The following CDKN2B-AS1 variants were observed in gnomAD, a reference collection of about 807,000 sequenced individuals.
CDKN2B-AS1 encodes the protein CDKN2B antisense RNA 1 (non-protein coding).
In CDKN2B-AS1 at chr9:22,006,223, C is replaced by T. The variant is rs752675430; in HGVS notation, n.29+11062C>T. ...CCGTGGAGCAGCAGCAGCTCCGCCACGCGGGCGCTGCCCATCATCATGACC... is the reference window on the plus strand; with the variant it reads ...CCGTGGAGCAGCAGCAGCTCCGCCATGCGGGCGCTGCCCATCATCATGACC... On this transcript the variant is annotated intron_variant and non_coding_transcript_variant, in intron 1 of 4. Coordinates refer to ENST00000650946, the Ensembl canonical transcript of CDKN2B-AS1. The surrounding 1 kb of genome is among the most constrained non-coding windows in gnomAD (Gnocchi z 6.4). 9.3e-6 allele frequency: 15 copies of T among 1,606,828 alleles called. No individual in the cohort carries two copies. Among genetic ancestry groups the T allele is most frequent in the Non-Finnish European group, 1.2e-5 (14 of 1,179,860 alleles).
chr9:22,115,738 G>A (rs1825933469), intron 4 of CDKN2B-AS1, among the ~76,000 whole-genome samples: 1 of 152,080 alleles, frequency 6.6e-6, no homozygotes, highest in Non-Finnish European at 1.5e-5. Context: ...CATGGACTTG[G>A]GGATTATTGG....
chr9:22,091,832 T>A (rs537096702), intron 4 of CDKN2B-AS1, among the ~76,000 whole-genome samples: 30 of 152,330 alleles, frequency 2.0e-4, no homozygotes, highest in African/African-American at 6.0e-4. Flanking sequence ...CCTGCCTGAT[T>A]GCCGTGGCCA....
At chr9:22,008,570 T>C (rs1821308702) in intron 1 of CDKN2B-AS1, 2 of 1,211,262 alleles carry the variant, frequency 1.7e-6, no homozygotes, top group Non-Finnish European at 1.1e-6. Context: ...GATCATGAGA[T>C]GGCAGAACAA....
intron 4 of CDKN2B-AS1, among the ~76,000 whole-genome samples, chr9:22,124,617 T>C (rs913936734): frequency 6.6e-6 from 1 of 152,242 alleles, no homozygotes; most frequent in African/African-American, 2.4e-5. Context: ...TTAACCTCTA[T>C]TTTTTAAAAA....
chr9:22,061,466 AG>A (rs894231568), intron 4 of CDKN2B-AS1, among the ~76,000 whole-genome samples: 39 of 152,318 alleles, frequency 2.6e-4, no homozygotes, highest in African/African-American at 9.1e-4. Flanking sequence ...ATCTTTAAAA[AG>A]TATATATTGG....
At chr9:22,050,280 G>T (rs1210762287) in intron 3 of CDKN2B-AS1, among the ~76,000 whole-genome samples, 2 of 152,168 alleles carry the variant, frequency 1.3e-5, no homozygotes, top group South Asian at 2.1e-4. Context: ...AAAGGAGAAG[G>T]GAAGACAGAA....
At chr9:22,124,557 A>G (rs1449128326) in intron 4 of CDKN2B-AS1, among the ~76,000 whole-genome samples, 1 of 152,188 alleles carries the variant, frequency 6.6e-6, no homozygotes, top group Non-Finnish European at 1.5e-5. Flanking sequence ...TAACAAACAA[A>G]TATTATGCTT....
At chr9:22,107,802 C>T (rs1825700365) in intron 4 of CDKN2B-AS1, among the ~76,000 whole-genome samples, 1 of 152,288 alleles carries the variant, frequency 6.6e-6, no homozygotes, top group African/African-American at 2.4e-5. Context: ...ATATGAGGTA[C>T]TTGTTGACTG....
rs79896137 is a variant in CDKN2B-AS1 at position 22,083,832 on chromosome 9, G to A, written n.438+27445G>A. ...ATTTAGTTGGATATTAGAGTCTAAC[G>A]CTTAGAACAGAGGTCAAGGCTGTAG... is the stretch of plus-strand genomic sequence containing the variant. On this transcript the variant is annotated intron_variant and non_coding_transcript_variant, in intron 4 of 4. Coordinates refer to ENST00000650946, the Ensembl canonical transcript of CDKN2B-AS1. Among the ~76,000 whole-genome samples the A allele has an allele frequency of 8.5e-3, 1,296 of 152,268 alleles. 97 individuals carry two copies. In the East Asian group the frequency reaches 0.17, roughly 20 times the overall value.
chr9:22,056,891 G>A (rs887190464), intron 4 of CDKN2B-AS1, among the ~76,000 whole-genome samples: 11 of 151,976 alleles, frequency 7.2e-5, no homozygotes, highest in Non-Finnish European at 1.3e-4. Context: ...TTGATTCTTT[G>A]CTTTCCCTCC....
At chr9:22,113,636 T>G (rs1458310401) in intron 4 of CDKN2B-AS1, 1 of 152,182 alleles carries the variant, frequency 6.6e-6, no homozygotes, top group African/African-American at 2.4e-5. Flanking sequence ...AAAGTGAGTT[T>G]TAATGCTCTT....
intron 4 of CDKN2B-AS1, among the ~76,000 whole-genome samples, chr9:22,106,274 G>T (rs987040975): frequency 6.6e-6 from 1 of 152,078 alleles, no homozygotes; most frequent in East Asian, 1.9e-4. Context: ...GTAAAGATAG[G>T]GTTTCAGCAT....
At chr9:22,009,415 C>G (rs1034701716) in intron 1 of CDKN2B-AS1, 6 of 301,024 alleles carry the variant, frequency 2.0e-5, no homozygotes, top group African/African-American at 1.3e-4. Context: ...GAGGCCAGGC[C>G]CGGGCCGACG....
At chr9:22,054,842 C>G (rs1284844000) in intron 3 of CDKN2B-AS1, among the ~76,000 whole-genome samples, 4 of 151,440 alleles carry the variant, frequency 2.6e-5, no homozygotes. Context: ...ACTTCTGCCT[C>G]CCGGGTTCAA....
At chr9:22,111,785 G>A (rs1825811507) in intron 4 of CDKN2B-AS1, among the ~76,000 whole-genome samples, 2 of 152,254 alleles carry the variant, frequency 1.3e-5, no homozygotes, top group South Asian at 4.1e-4. Context: ...AAATGTTTAT[G>A]ATGTGACACT....
At chr9:22,069,200 AG>A (rs1470990380) in intron 4 of CDKN2B-AS1, among the ~76,000 whole-genome samples, 2 of 152,152 alleles carry the variant, frequency 1.3e-5, no homozygotes, top group East Asian at 3.8e-4. Context: ...CAGCTCCCTA[AG>A]TAAAGTTTTG....
At position 21,997,381 on chromosome 9, in the gene CDKN2B-AS1, A is replaced by ATCGT. The variant is rs910653384; in HGVS notation, n.29+2222_29+2225dup. On this transcript the variant is annotated intron_variant and non_coding_transcript_variant, in intron 1 of 4. Transcript: ENST00000650946. The surrounding 1 kb of genome is among the most constrained non-coding windows in gnomAD (Gnocchi z 4.8). ...ATATGTGACTGTGGTTGACTGAAGC[A>ATCGT]TCGTTATCCAGCACATGACTCTGTG... Among the ~76,000 whole-genome samples, 1 of 152,140 alleles carries ATCGT rather than the reference A, an allele frequency of 6.6e-6. No individual in the cohort carries two copies. Among genetic ancestry groups the ATCGT allele is most frequent in the African/African-American group, 2.4e-5 (1 of 41,416 alleles).
intron 4 of CDKN2B-AS1, among the ~76,000 whole-genome samples, chr9:22,082,241 G>A (rs1824725097): frequency 6.6e-6 from 1 of 152,140 alleles, no homozygotes; most frequent in Non-Finnish European, 1.5e-5. Flanking sequence ...AGTTATAGCG[G>A]GTCTTGAAAG....
At chr9:22,071,285 CTTTTTTTTTTTTTTTTT>C (rs71336509) in intron 4 of CDKN2B-AS1, among the ~76,000 whole-genome samples, 1 of 67,588 alleles carries the variant, frequency 1.5e-5, no homozygotes, top group Non-Finnish European at 2.5e-5. Flanking sequence ...AAATATCTAG[CTTTTTTTTTTTTTTTTT>C]TTTTTTTTTT....
Sources: gnomAD v4.1 joint callset for allele counts (sites outside exome capture counted in the v4.1 genomes callset) on GRCh38, gnomAD v4.1.1 for gene constraint, Gnocchi (gnomAD v3.1) non-coding constraint, MANE v1.5 for transcripts, NCBI Gene and HGNC (gene_info 2026-07-23, HGNC 2026-07-21) for gene names.